The following NALF1 variants were observed in gnomAD, a reference collection of about 807,000 sequenced individuals.
The protein encoded by NALF1 is NALCN channel auxiliary factor 1, also known as family with sequence similarity 155 member A.
Under a neutral mutation model 48.4 loss-of-function variants are expected in NALF1, and 3 were observed. The ratio of observed to expected loss-of-function variants is 0.06; its 90% confidence interval spans 0.03 to 0.16. NALF1 has a LOEUF of 0.16. Among genes scored for constraint, NALF1 ranks in the 10% least tolerant of loss-of-function variants. The pLI is 1.00. For missense variants in NALF1, 526 were observed against 571.5 expected (o/e 0.92, Z 0.81); for synonymous variants, 262 against 245.7 (o/e 1.07, Z -0.62).
chr13:107,353,682 C>A (rs991472524), intron 1 of NALF1, among the ~76,000 whole-genome samples: 1 of 152,180 alleles, frequency 6.6e-6, no homozygotes, highest in Non-Finnish European at 1.5e-5. Flanking sequence ...GCTGACATAA[C>A]TGTGAGATAA....
intron 1 of NALF1, among the ~76,000 whole-genome samples, chr13:107,783,069 G>GT (rs1455249163): frequency 4.2e-5 from 6 of 142,922 alleles, no homozygotes; most frequent in African/African-American, 1.6e-4. Flanking sequence ...GAGGTGGGGG[G>GT]GTCAGCCCCC....
intron 1 of NALF1, among the ~76,000 whole-genome samples, chr13:107,625,356 C>T (rs1439655818): frequency 6.6e-6 from 1 of 152,060 alleles, no homozygotes; most frequent in East Asian, 1.9e-4. Context: ...GAAAACAGCA[C>T]AAAGAGATAA....
At chr13:107,338,097 G>A (rs1026289464) in intron 1 of NALF1, among the ~76,000 whole-genome samples, 6 of 152,084 alleles carry the variant, frequency 3.9e-5, no homozygotes, top group Non-Finnish European at 8.8e-5. Context: ...ATGTTTCTTC[G>A]TGATGACATC....
At chr13:107,797,176 T>A (rs1026162054) in intron 1 of NALF1, among the ~76,000 whole-genome samples, 3 of 152,086 alleles carry the variant, frequency 2.0e-5, no homozygotes, top group African/African-American at 7.2e-5. Context: ...ATTTTTACAT[T>A]TCTATTCCTC....
At chr13:107,786,841 C>CT in intron 1 of NALF1, among the ~76,000 whole-genome samples, 1 of 152,318 alleles carries the variant, frequency 6.6e-6, no homozygotes, top group Non-Finnish European at 1.5e-5. Context: ...GCCAAAATGA[C>CT]TATGAAACTC....
chr13:107,550,494 CTTTCA>C (rs1388646571), intron 1 of NALF1, among the ~76,000 whole-genome samples: 1 of 152,112 alleles, frequency 6.6e-6, no homozygotes, highest in Non-Finnish European at 1.5e-5. Flanking sequence ...TCCTGTCCCC[CTTTCA>C]TAATTATAGT....
intron 1 of NALF1, among the ~76,000 whole-genome samples, chr13:107,760,510 A>C (rs1441048159): frequency 6.6e-6 from 1 of 152,204 alleles, no homozygotes; most frequent in African/African-American, 2.4e-5. Flanking sequence ...ATATTTTCAC[A>C]GAACAAGTAA....
At chr13:107,632,872 C>T (rs190606150) in intron 1 of NALF1, among the ~76,000 whole-genome samples, 52 of 135,280 alleles carry the variant, frequency 3.8e-4, no homozygotes, top group Middle Eastern at 4.0e-3. Context: ...CAGAAAAAGA[C>T]GGAAATGAAG....
At chr13:107,511,845 G>A (rs1875900037) in intron 1 of NALF1, among the ~76,000 whole-genome samples, 1 of 152,152 alleles carries the variant, frequency 6.6e-6, no homozygotes, top group Admixed American at 6.5e-5. Context: ...TGAAAACAAG[G>A]TTATTCCTCT....
intron 1 of NALF1, among the ~76,000 whole-genome samples, chr13:107,777,371 G>C (rs575864143): frequency 6.6e-6 from 1 of 152,090 alleles, no homozygotes; most frequent in Admixed American, 6.6e-5. Context: ...ACCCATTGAC[G>C]TAATTTGGAT....
chr13:107,385,552 C>CAAA lies in NALF1; in HGVS notation c.916-174800_916-174798dup, dbSNP rs201307018. ...TGGGTGCCAGAGCGAGATTCCATCT[C>CAAA]AAAAAAAAAAAAAAAAAAAAAAAAA... is the stretch of plus-strand genomic sequence containing the variant. On this transcript the variant is annotated intron_variant, in intron 1 of 2. Coordinates refer to ENST00000375915, the MANE Select transcript of NALF1 (RefSeq NM_001080396.3). Among the ~76,000 whole-genome samples, 140 of 118,178 alleles carry CAAA rather than the reference C, an allele frequency of 1.2e-3. 1 individual carries two copies. The highest frequency in any genetic ancestry group is 3.4e-3 in the East Asian group (13 of 3,854). 77.5% of individuals were successfully genotyped at this position (118,178 alleles called of 152,430 possible). A position where few individuals can be genotyped will look rare whatever the true frequency, so the allele number is the denominator to read the frequency against.
chr13:107,182,253 C>CGTGTGTGT (rs71204818), intron 2 of NALF1, among the ~76,000 whole-genome samples: 2 of 143,758 alleles, frequency 1.4e-5, no homozygotes, highest in African/African-American at 2.6e-5. Flanking sequence ...TGTGTGTGTC[C>CGTGTGTGT]GTGTGTGTGT....
chr13:107,450,759 A>T (rs1187413478), intron 1 of NALF1, among the ~76,000 whole-genome samples: 2 of 152,210 alleles, frequency 1.3e-5, no homozygotes, highest in East Asian at 3.9e-4. Flanking sequence ...ATTATTGCCA[A>T]CCTCATTAGA....
At chr13:107,219,458 A>G (rs1246742094) in intron 1 of NALF1, among the ~76,000 whole-genome samples, 1 of 152,240 alleles carries the variant, frequency 6.6e-6, no homozygotes, top group Non-Finnish European at 1.5e-5. Flanking sequence ...GTGGGAAATC[A>G]GTCTTCTAAA....
intron 1 of NALF1, among the ~76,000 whole-genome samples, chr13:107,317,121 A>C (rs940595869): frequency 2.0e-5 from 3 of 152,164 alleles, no homozygotes; most frequent in Non-Finnish European, 2.9e-5. Flanking sequence ...ATTTTGCAAG[A>C]ACTCAAATAA....
rs7982633 is a variant in NALF1, at chr13:107,369,648, T to A, written c.916-158893A>T. On this transcript the variant is annotated intron_variant, in intron 1 of 2. Coordinates refer to ENST00000375915, the MANE Select transcript of NALF1 (RefSeq NM_001080396.3). ...CTTTGGCATAAATATGGGTCTCTGC[T>A]TGGATTTCTAAGCAATTATTCCTAA... is the stretch of plus-strand genomic sequence containing the variant. Among the ~76,000 whole-genome samples, 1,221 of 152,284 alleles carry A rather than the reference T, an allele frequency of 8.0e-3. 18 individuals carry two copies. The highest frequency in any genetic ancestry group is 0.027 in the African/African-American group (1,107 of 41,564).
chr13:107,481,503 C>T (rs1487333496), intron 1 of NALF1, among the ~76,000 whole-genome samples: 1 of 152,116 alleles, frequency 6.6e-6, no homozygotes, highest in Non-Finnish European at 1.5e-5. Flanking sequence ...TTACTACTCT[C>T]CAAAGCATGT....
rs1403092536 is a variant in NALF1, at chr13:107,413,979, G to T, written c.916-203224C>A. Reference sequence around the variant, plus strand: ...TTTTTGTATTTTTAGTAGCGACAGGGTTTCACCATGTTGGCCAGGCTGGAC... The same window carrying T: ...TTTTTGTATTTTTAGTAGCGACAGGTTTTCACCATGTTGGCCAGGCTGGAC... On this transcript the variant is annotated intron_variant, in intron 1 of 2. Transcript: ENST00000375915. Among the ~76,000 whole-genome samples, 8 of 152,148 alleles carry T rather than the reference G, an allele frequency of 5.3e-5. No individual in the cohort carries two copies. The East Asian group carries it at 1.6e-3, about 29-fold the overall frequency.
At chr13:107,711,714 T>C (rs1485638928) in intron 1 of NALF1, among the ~76,000 whole-genome samples, 1 of 152,238 alleles carries the variant, frequency 6.6e-6, no homozygotes, top group African/African-American at 2.4e-5. Flanking sequence ...AGAGGAAATA[T>C]CTTATTAATC....
Sources: allele counts gnomAD v4.1 joint callset (sites outside exome capture counted in the v4.1 genomes callset), GRCh38; gene constraint gnomAD v4.1.1; transcripts MANE v1.5; gene names NCBI Gene and HGNC (gene_info 2026-07-23, HGNC 2026-07-21).